Variants in EPRS1 observed in about 807,000 individuals in gnomAD.
The protein encoded by EPRS1 is bifunctional glutamate/proline--tRNA ligase.
Under a neutral mutation model 188.3 loss-of-function variants are expected in EPRS1, and 107 were observed. That is an observed-to-expected ratio of 0.57 (90% CI 0.49 to 0.67). The LOEUF (loss-of-function observed/expected upper bound fraction) is 0.67, where lower values mean the gene tolerates loss of function less well. Ranked by LOEUF, EPRS1 falls within the 30% of genes least tolerant of loss-of-function variation. The pLI is 0.00. For missense variants in EPRS1, 1,577 were observed against 1,802.2 expected (o/e 0.88, Z 2.26); for synonymous variants, 596 against 593.1 (o/e 1.00, Z -0.07).
chr1:219,980,685 T>A, intron 25 of EPRS1, 71 bp downstream of exon 25: 1 of 1,099,850 alleles, frequency 9.1e-7, no homozygotes, highest in Non-Finnish European at 1.4e-6. Flanking sequence ...ACATACATTT[T>A]AAATAACAAA....
intron 14 of EPRS1, 143 bp downstream of exon 14, chr1:220,007,059 G>A (rs1408435264): frequency 1.7e-6 from 1 of 588,050 alleles, no homozygotes; most frequent in Admixed American, 3.8e-5. Context: ...TTTAACTTGT[G>A]TCCAGAATTT....
At chr1:220,031,318 G>T (rs1176339661) in intron 5 of EPRS1, among the ~76,000 whole-genome samples, 1 of 152,144 alleles carries the variant, frequency 6.6e-6, no homozygotes. Context: ...GGGATAATAG[G>T]ACCGTGGATT....
chr1:220,040,535 C>G (rs1662271620), intron 1 of EPRS1, among the ~76,000 whole-genome samples: 1 of 152,156 alleles, frequency 6.6e-6, no homozygotes, highest in Non-Finnish European at 1.5e-5. Context: ...ATCTGCTTCT[C>G]CCTTCGGAGA....
At chr1:219,994,874 G>A (rs1386619276) in intron 18 of EPRS1, among the ~76,000 whole-genome samples, 1 of 151,848 alleles carries the variant, frequency 6.6e-6, no homozygotes, top group Non-Finnish European at 1.5e-5. Context: ...GGATGGTCTC[G>A]ATCTCCTGAC....
chr1:219,994,243 C>G (rs1341426559), intron 18 of EPRS1, among the ~76,000 whole-genome samples: 1 of 152,138 alleles, frequency 6.6e-6, no homozygotes, highest in African/African-American at 2.4e-5. Flanking sequence ...ATTAGGTGAA[C>G]TGGTGAGTCT....
At chr1:220,035,992 G>T (rs1465676197) in intron 2 of EPRS1, among the ~76,000 whole-genome samples, 1 of 152,038 alleles carries the variant, frequency 6.6e-6, no homozygotes, top group Non-Finnish European at 1.5e-5. Flanking sequence ...TTGAGGTCAG[G>T]AGCTTGAGAC....
intron 18 of EPRS1, among the ~76,000 whole-genome samples, chr1:219,992,050 T>C (rs1217844110): frequency 6.6e-6 from 1 of 152,214 alleles, no homozygotes; most frequent in East Asian, 1.9e-4. Context: ...GCTTTTTTCT[T>C]GTTTCCTTCC....
chr1:219,982,738 G>A (rs781371573), intron 23 of EPRS1, 34 bp downstream of exon 23: 4 of 1,556,558 alleles, frequency 2.6e-6, no homozygotes, highest in Non-Finnish European at 3.5e-6. Flanking sequence ...AACGTTCAGT[G>A]AGCATTCTCT....
chr1:220,021,692 T>C (rs2102590182), intron 9 of EPRS1, among the ~76,000 whole-genome samples: 1 of 152,340 alleles, frequency 6.6e-6, no homozygotes, highest in South Asian at 2.1e-4. Flanking sequence ...TATTTGTCTA[T>C]ATATGGACAG....
rs1660924979 is a variant in EPRS1, at chr1:219,982,829, T to G, written c.3316A>C (p.Arg1106=). Reference sequence around the variant, plus strand: ...TCTGCCAGCTCGGTTTTGCCAGATCTTGTAACCCAAGCAACCTAGTAAGAA... The same window carrying G: ...TCTGCCAGCTCGGTTTTGCCAGATCGTGTAACCCAAGCAACCTAGTAAGAA... ...DFAPEVAWVT[R]SGKTELAEPI... Residue 1106 remains arginine (R), a synonymous_variant, in exon 23 of 32, where the codon AGA becomes CGA. Coordinates refer to ENST00000366923, the MANE Select transcript of EPRS1 (RefSeq NM_004446.3). 1 of 1,614,072 alleles carries G rather than the reference T, an allele frequency of 6.2e-7. No individual in the cohort carries two copies. The highest frequency in any genetic ancestry group is 8.5e-7 in the Non-Finnish European group (1 of 1,179,922).
chr1:219,993,392 G>GA (rs1434739106), intron 18 of EPRS1, among the ~76,000 whole-genome samples: 1 of 152,196 alleles, frequency 6.6e-6, no homozygotes, highest in African/African-American at 2.4e-5. Flanking sequence ...AATAAGAGGA[G>GA]CAAAAGATGG....
chr1:219,971,110 C>T (rs72743174), intron 30 of EPRS1, among the ~76,000 whole-genome samples: 1 of 152,176 alleles, frequency 6.6e-6, no homozygotes, highest in Non-Finnish European at 1.5e-5. Flanking sequence ...TAAACCTAGT[C>T]AGAAGAGTGA....
intron 30 of EPRS1, among the ~76,000 whole-genome samples, chr1:219,971,646 G>C (rs2102557877): frequency 1.3e-5 from 2 of 151,482 alleles, no homozygotes; most frequent in African/African-American, 4.8e-5. Context: ...GAAAAAAGGA[G>C]ACATACAGAA....
intron 30 of EPRS1, among the ~76,000 whole-genome samples, chr1:219,971,590 C>T (rs1452910694): frequency 6.6e-6 from 1 of 151,554 alleles, no homozygotes; most frequent in African/African-American, 2.4e-5. Context: ...ACAATGGTTA[C>T]TTTAGGAACT....
rs112300193 is a variant in EPRS1, at chr1:220,016,134, G to C, written c.1494+2315C>G. On this transcript the variant is annotated intron_variant, in intron 12 of 31. Coordinates refer to ENST00000366923, the MANE Select transcript of EPRS1 (RefSeq NM_004446.3). ...GCTGAGGTGGGCGGATCACGAGGTC[G>C]GGAGTTCGAGACCAGCCTGGCCAAC... Among the ~76,000 whole-genome samples the C allele has an allele frequency of 5.3e-3, 807 of 151,998 alleles. 7 individuals are homozygous for C. Among genetic ancestry groups the C allele is most frequent in the African/African-American group, 0.019 (783 of 41,452 alleles).
rs954766058 is a variant in EPRS1 at position 219,969,288 on chromosome 1, T to G, written c.4324-166A>C. The G allele has an allele frequency of 3.8e-5, 23 of 608,368 alleles. No homozygotes were observed. In the African/African-American group the frequency reaches 3.9e-4, roughly 10 times the overall value. 37.7% of individuals were successfully genotyped at this position (608,368 alleles called of 1,614,324 possible). A position where few individuals can be genotyped will look rare whatever the true frequency, so the allele number is the denominator to read the frequency against. The stretch of plus-strand genomic sequence containing the variant: ...AAACCTACTAGGAACTTTGCTCAGT[T>G]ATAAAAGATAGGAAAGAATGTTTTT... On this transcript the variant is annotated intron_variant, in intron 30 of 31. Coordinates refer to ENST00000366923, the MANE Select transcript of EPRS1 (RefSeq NM_004446.3).
intron 8 of EPRS1, 70 bp downstream of exon 8, chr1:220,024,194 A>C (rs1030033033): frequency 2.2e-5 from 24 of 1,091,812 alleles, no homozygotes; most frequent in Non-Finnish European, 2.8e-5. Context: ...TTTCACAAAA[A>C]AGAAATCACG....
Position 220,018,990 on chromosome 1 carries a change from C to G in EPRS1, c.1434+5G>C. On this transcript the variant is annotated splice_donor_5th_base_variant and intron_variant, in intron 11 of 31. Transcript: ENST00000366923. ...AGACAAGCTGGAAAAGAAACTGTAA[C>G]GCACCTGAGCAGCAATAAACTGTTT... The G allele has an allele frequency of 1.3e-6, 2 of 1,597,944 alleles. No individual in the cohort carries two copies. Among genetic ancestry groups the G allele is most frequent in the Non-Finnish European group, 1.7e-6 (2 of 1,166,010 alleles).
chr1:219,972,075 A>T lies in EPRS1; in HGVS notation c.4317T>A (p.Ser1439=), dbSNP rs764236465. ...TMEDFQKILD[S]GKIVQIPFCG... is the part of the protein sequence containing the mutation. ...GTTTTCCAAACTCTCTGACCTTTCC[A>T]GAATCTAGTATCTTCTGAAAGTCTT... The change falls in exon 30 of 32, where the codon TCT becomes TCA. Residue 1439 remains serine, a synonymous_variant. Transcript: ENST00000366923. 1 of 1,588,022 alleles carries T rather than the reference A, an allele frequency of 6.3e-7. No homozygotes were observed. The highest frequency in any genetic ancestry group is 8.6e-7 in the Non-Finnish European group (1 of 1,167,686).
Sources: allele counts gnomAD v4.1 joint callset (sites outside exome capture counted in the v4.1 genomes callset), GRCh38; gene constraint gnomAD v4.1.1; transcripts MANE v1.5; gene names NCBI Gene and HGNC (gene_info 2026-07-23, HGNC 2026-07-21).